Variants in PLXNC1 observed in about 807,000 individuals in gnomAD.
PLXNC1 encodes plexin-C1.
PLXNC1 carries 75 observed loss-of-function variants against 178.2 expected under a neutral mutation model. The ratio of observed to expected loss-of-function variants is 0.42; its 90% CI spans 0.35 to 0.51. PLXNC1 has a LOEUF of 0.51. Among genes scored for constraint, PLXNC1 ranks in the 20% least tolerant of loss-of-function variants. The pLI, the probability that PLXNC1 is intolerant of heterozygous loss-of-function variation, is 0.02. For synonymous variants in PLXNC1, 790 were observed against 779.9 expected, an observed-to-expected ratio of 1.01 and a Z score of -0.22; for missense variants, 1,503 against 1,984.4, an observed-to-expected ratio of 0.76 and a Z score of 4.61.
chr12:94,303,695 T>A (rs1290485694), intron 28 of PLXNC1, 61 bp from the exon 29 acceptor site: 17 of 329,574 alleles, frequency 5.2e-5, no homozygotes, highest in Non-Finnish European at 7.3e-5. Context: ...TCCTCCATCT[T>A]TTTTTTTTTT....
chr12:94,262,689 G>A (rs1029381763), intron 20 of PLXNC1: 3 of 985,310 alleles, frequency 3.0e-6, no homozygotes, highest in Non-Finnish European at 3.6e-6. Flanking sequence ...AGGGGGTCTG[G>A]GACACCGACA....
At position 94,248,302 on chromosome 12, in the gene PLXNC1, A is replaced by T. The variant is rs1342389211; in HGVS notation, c.2668A>T (p.Asn890Tyr). ...TLFHGENGQLNCSFENITRNQ... is the reference protein window; with the variant it reads ...TLFHGENGQLYCSFENITRNQ... ...CTTCCATGGGGAAAATGGGCAATTA[A>T]ATTGCAGTTTTGAAAATATTACTAG... Residue 890 changes from asparagine (N) to tyrosine (Y), a missense_variant, in exon 14 of 31, where the codon AAT (asparagine) becomes TAT (tyrosine). Physicochemically the swap from Asn to Tyr is moderately radical, Grantham distance 143 (BLOSUM62 -2). Around this residue, in one of 4 missense-constraint regions of PLXNC1, gnomAD observed 639 missense variants for 979.7 expected, o/e 0.65. Transcript: ENST00000258526. 1 of 1,613,730 alleles carries T rather than the reference A, an allele frequency of 6.2e-7. No individual in the cohort carries two copies. Among genetic ancestry groups the T allele is most frequent in the East Asian group, 2.2e-5 (1 of 44,888 alleles).
Position 94,237,688 on chromosome 12 carries a change from C to G in PLXNC1, c.2005C>G (p.Pro669Ala). 2 of 1,613,632 alleles carry G rather than the reference C, an allele frequency of 1.2e-6. No individual in the cohort carries two copies. Among genetic ancestry groups the G allele is most frequent in the Non-Finnish European group, 1.7e-6 (2 of 1,179,692 alleles). The stretch of plus-strand genomic sequence containing the variant: ...GGTCTTCTACATTAAGTCCATTGAG[C>G]CACAGAAAGTATCGACATTAGGGAA... ...LQVFYIKSIEPQKVSTLGKSN... is the reference protein window; with the variant it reads ...LQVFYIKSIEAQKVSTLGKSN... The change falls in exon 10 of 31, where the codon CCA becomes GCA. Residue 669 changes from proline (P) to alanine (A), a missense_variant. Pro to Ala is a conservative substitution (Grantham distance 27). Around this residue, in one of 4 missense-constraint regions of PLXNC1, gnomAD observed 615 missense variants for 698.6 expected, o/e 0.88. Transcript: ENST00000258526.
intron 18 of PLXNC1, 77 bp downstream of exon 18, chr12:94,259,452 A>G: frequency 8.3e-7 from 1 of 1,198,360 alleles, no homozygotes; most frequent in Non-Finnish European, 1.2e-6. Flanking sequence ...TATCATCTCT[A>G]TTATTATTAC....
At chr12:94,154,949 T>A (rs992074440) in intron 1 of PLXNC1, among the ~76,000 whole-genome samples, 1 of 152,232 alleles carries the variant, frequency 6.6e-6, no homozygotes, top group African/African-American at 2.4e-5. Context: ...AGAATCATGT[T>A]GGAAATGTTT....
At chr12:94,173,694 C>A (rs1961936346) in intron 2 of PLXNC1, among the ~76,000 whole-genome samples, 1 of 152,216 alleles carries the variant, frequency 6.6e-6, no homozygotes, top group African/African-American at 2.4e-5. Flanking sequence ...TTAACTCTTA[C>A]AGAGCTTAGT....
intron 23 of PLXNC1, among the ~76,000 whole-genome samples, chr12:94,286,616 CAAAAAAAAAAAAAAAA>C (rs61238982): frequency 4.9e-5 from 5 of 101,376 alleles, no homozygotes; most frequent in African/African-American, 1.2e-4. Context: ...TGCTTAAAAG[CAAAAAAAAAAAAAAAA>C]AAAAAAAAAA....
chr12:94,287,139 T>C (rs572222327), intron 23 of PLXNC1, among the ~76,000 whole-genome samples: 11 of 152,358 alleles, frequency 7.2e-5, no homozygotes, highest in Admixed American at 5.2e-4. Flanking sequence ...CCATTTTCCA[T>C]CTGATGAACA....
At chr12:94,212,487 C>T (rs1322383531) in intron 5 of PLXNC1, among the ~76,000 whole-genome samples, 1 of 150,216 alleles carries the variant, frequency 6.7e-6, no homozygotes, top group Admixed American at 6.6e-5. Flanking sequence ...CCCCCCACCC[C>T]CCGGCAGGCC....
At chr12:94,154,911 T>A (rs2135919853) in intron 1 of PLXNC1, among the ~76,000 whole-genome samples, 2 of 152,346 alleles carry the variant, frequency 1.3e-5, no homozygotes, top group Non-Finnish European at 1.5e-5. Flanking sequence ...CAGAAATATT[T>A]GTTGAATGAA....
chr12:94,226,275 G>A (rs751217402), intron 7 of PLXNC1, among the ~76,000 whole-genome samples: 10 of 152,114 alleles, frequency 6.6e-5, no homozygotes, highest in African/African-American at 9.7e-5. Flanking sequence ...CGGGGAGAGA[G>A]AGAGATCCAT....
chr12:94,204,971 G>T (rs1459504814), intron 4 of PLXNC1, among the ~76,000 whole-genome samples: 1 of 152,158 alleles, frequency 6.6e-6, no homozygotes, highest in African/African-American at 2.4e-5. Flanking sequence ...GATTCCTTCA[G>T]GGACTGTCTG....
At chr12:94,262,534 A>G in intron 20 of PLXNC1, 1 of 985,454 alleles carries the variant, frequency 1.0e-6, no homozygotes, top group Non-Finnish European at 1.2e-6. Flanking sequence ...GTGCTGATTC[A>G]AGAGCGTCTC....
intron 23 of PLXNC1, among the ~76,000 whole-genome samples, chr12:94,283,689 A>T (rs1267102140): frequency 6.6e-6 from 1 of 152,184 alleles, no homozygotes; most frequent in African/African-American, 2.4e-5. Context: ...AATCATAGGA[A>T]GTCAAAGCTG....
At chr12:94,233,414 G>C (rs564835109) in intron 9 of PLXNC1, among the ~76,000 whole-genome samples, 1 of 152,320 alleles carries the variant, frequency 6.6e-6, no homozygotes, top group South Asian at 2.1e-4. Context: ...CCCAGTCCAG[G>C]TCTGGGGAGC....
chr12:94,266,764 G>C (rs560691789), intron 21 of PLXNC1, among the ~76,000 whole-genome samples: 2 of 152,350 alleles, frequency 1.3e-5, no homozygotes, highest in Non-Finnish European at 2.9e-5. Context: ...GAGGTGTTTT[G>C]AGGATTAAGA....
intron 4 of PLXNC1, among the ~76,000 whole-genome samples, chr12:94,191,605 G>A (rs1024744043): frequency 7.9e-5 from 12 of 152,042 alleles, no homozygotes; most frequent in African/African-American, 2.7e-4. Context: ...CCAACATGGT[G>A]AAACCCTGTC....
intron 1 of PLXNC1, among the ~76,000 whole-genome samples, chr12:94,167,003 G>A (rs557819118): frequency 2.4e-4 from 36 of 152,042 alleles, no homozygotes; most frequent in African/African-American, 8.4e-4. Flanking sequence ...GGCCTCAAGC[G>A]ATCCTCTCGC....
At chr12:94,178,219 G>A (rs1337123899) in intron 2 of PLXNC1, among the ~76,000 whole-genome samples, 1 of 152,110 alleles carries the variant, frequency 6.6e-6, no homozygotes, top group Non-Finnish European at 1.5e-5. Flanking sequence ...TCATGTGTTT[G>A]GCTTTTTGCT....
Sources: gnomAD v4.1 joint callset for allele counts (sites outside exome capture counted in the v4.1 genomes callset) on GRCh38, gnomAD v4.1.1 for gene constraint, gnomAD v4.1.1 regional missense constraint, MANE v1.5 for transcripts, NCBI Gene and HGNC (gene_info 2026-07-23, HGNC 2026-07-21) for gene names.